THSD7A: variants seen among roughly 807,000 people sequenced by gnomAD.
THSD7A encodes thrombospondin type-1 domain-containing protein 7A.
In THSD7A, 96 loss-of-function variants were observed where a neutral mutation model predicts 231.3. The ratio of observed to expected loss-of-function variants is 0.41; its 90% CI spans 0.35 to 0.49. The LOEUF (loss-of-function observed/expected upper bound fraction) is 0.49. Ranked by LOEUF, THSD7A falls within the 20% of genes least tolerant of loss-of-function variation. The pLI is 0.05. For missense variants in THSD7A, 2,290 were observed against 2,070.2 expected (o/e 1.11, Z -2.06); for synonymous variants, 940 against 743.3 (o/e 1.26, Z -4.30).
intron 1 of THSD7A, among the ~76,000 whole-genome samples, chr7:11,768,242 T>C (rs1449020127): frequency 6.6e-6 from 1 of 152,182 alleles, no homozygotes; most frequent in Non-Finnish European, 1.5e-5. Context: ...TGGGCCATTA[T>C]AAATGCTAGT....
chr7:11,808,686 G>T (rs976482133), intron 1 of THSD7A, among the ~76,000 whole-genome samples: 7 of 151,838 alleles, frequency 4.6e-5, no homozygotes, highest in African/African-American at 1.7e-4. Context: ...TGTAAACTAG[G>T]GTCTTTATTC....
intron 6 of THSD7A, among the ~76,000 whole-genome samples, chr7:11,483,312 C>A (rs1223454842): frequency 6.6e-6 from 1 of 152,120 alleles, no homozygotes; most frequent in Non-Finnish European, 1.5e-5. Flanking sequence ...AGCCTTTAAT[C>A]ATGAGACAAA....
chr7:11,482,582 A>G (rs1786475136), intron 6 of THSD7A, among the ~76,000 whole-genome samples: 1 of 152,210 alleles, frequency 6.6e-6, no homozygotes, highest in African/African-American at 2.4e-5. Flanking sequence ...TCCCAGTTGG[A>G]GAGGGAGGGA....
intron 1 of THSD7A, among the ~76,000 whole-genome samples, chr7:11,689,875 C>G (rs1391370333): frequency 6.6e-6 from 1 of 150,748 alleles, no homozygotes; most frequent in Non-Finnish European, 1.5e-5. Flanking sequence ...AAGCCAGGCT[C>G]CAGAGATTTG....
intron 1 of THSD7A, among the ~76,000 whole-genome samples, chr7:11,750,491 T>G (rs1353734384): frequency 6.6e-6 from 1 of 151,986 alleles, no homozygotes; most frequent in Non-Finnish European, 1.5e-5. Context: ...GTAACATTGG[T>G]CCTGAAAGCT....
chr7:11,429,213 C>G (rs959395306), intron 13 of THSD7A, 88 bp from the exon 14 acceptor site: 1 of 1,321,494 alleles, frequency 7.6e-7, no homozygotes, highest in African/African-American at 1.5e-5. Context: ...TTAGAAGGTC[C>G]AAGACTGACT....
rs1451101163 is a variant in THSD7A, at chr7:11,510,323, A to G, written c.1823-28341T>C. On this transcript the variant is annotated intron_variant, in intron 6 of 27. Coordinates refer to ENST00000423059, the MANE Select transcript of THSD7A (RefSeq NM_015204.3). ...AAAAAGTCCTGGACCAGACGGATTC[A>G]CAGCCGAATTCTACCAGATGTACAA... 3.3e-5 allele frequency among the ~76,000 whole-genome samples: 5 copies of G among 152,218 alleles called. No individual in the cohort carries two copies. The East Asian group carries it at 7.7e-4, about 23-fold the overall frequency.
At chr7:11,727,061 T>G (rs1468048762) in intron 1 of THSD7A, among the ~76,000 whole-genome samples, 1 of 151,964 alleles carries the variant, frequency 6.6e-6, no homozygotes, top group Non-Finnish European at 1.5e-5. Flanking sequence ...ACTTTTGCAT[T>G]TAATCTTACA....
intron 1 of THSD7A, among the ~76,000 whole-genome samples, chr7:11,656,356 A>T (rs1288403942): frequency 2.0e-5 from 3 of 151,848 alleles, no homozygotes; most frequent in African/African-American, 7.2e-5. Flanking sequence ...CCAGTGCTAA[A>T]AATGTTGTGG....
intron 1 of THSD7A, among the ~76,000 whole-genome samples, chr7:11,693,430 A>G (rs902753826): frequency 6.6e-6 from 1 of 151,564 alleles, no homozygotes; most frequent in Non-Finnish European, 1.5e-5. Context: ...ACAAATTGTA[A>G]TTTAAAATAA....
intron 22 of THSD7A, among the ~76,000 whole-genome samples, chr7:11,403,722 T>A (rs1246754764): frequency 1.3e-5 from 2 of 152,206 alleles, no homozygotes; most frequent in African/African-American, 4.8e-5. Flanking sequence ...GTCTGTGAGT[T>A]ATGTAATTTT....
intron 1 of THSD7A, among the ~76,000 whole-genome samples, chr7:11,670,710 C>T (rs1240078908): frequency 6.6e-6 from 1 of 152,120 alleles, no homozygotes; most frequent in African/African-American, 2.4e-5. Context: ...TTAACTTATT[C>T]TGCACAAGCA....
intron 1 of THSD7A, among the ~76,000 whole-genome samples, chr7:11,684,642 T>A (rs1779969713): frequency 6.6e-6 from 1 of 151,634 alleles, no homozygotes; most frequent in South Asian, 2.1e-4. Flanking sequence ...CATTAGTCCA[T>A]ACAAAAAATA....
intron 2 of THSD7A, among the ~76,000 whole-genome samples, chr7:11,603,190 A>T (rs1780609650): frequency 6.6e-6 from 1 of 152,056 alleles, no homozygotes; most frequent in East Asian, 1.9e-4. Context: ...AGAAAAAAAC[A>T]AACAACCTCA....
At chr7:11,621,453 C>T (rs1035403806) in intron 2 of THSD7A, among the ~76,000 whole-genome samples, 38 of 152,168 alleles carry the variant, frequency 2.5e-4, no homozygotes, top group African/African-American at 8.9e-4. Context: ...ACTATTTCTC[C>T]AGAATTTCCA....
chr7:11,662,411 A>G (rs1011291475), intron 1 of THSD7A, among the ~76,000 whole-genome samples: 10 of 151,388 alleles, frequency 6.6e-5, no homozygotes, highest in African/African-American at 2.2e-4. Flanking sequence ...AACGTATTTT[A>G]AAATGGACAG....
At chr7:11,398,195 A>C (rs1485385248) in intron 23 of THSD7A, among the ~76,000 whole-genome samples, 1 of 138,208 alleles carries the variant, frequency 7.2e-6, no homozygotes, top group African/African-American at 2.8e-5. Flanking sequence ...ACCATGGAAT[A>C]GTATGCAGCC....
At chr7:11,537,847 G>T (rs1788976502) in intron 6 of THSD7A, among the ~76,000 whole-genome samples, 1 of 152,258 alleles carries the variant, frequency 6.6e-6, no homozygotes, top group Middle Eastern at 3.4e-3. Context: ...TGCTTTTAGG[G>T]CTTACCTCAG....
chr7:11,719,532 T>C (rs1308522612), intron 1 of THSD7A, among the ~76,000 whole-genome samples: 2 of 151,632 alleles, frequency 1.3e-5, no homozygotes, highest in African/African-American at 4.8e-5. Context: ...TGATATCCTG[T>C]CATTATCTAA....
Sources: allele counts gnomAD v4.1 joint callset (sites outside exome capture counted in the v4.1 genomes callset), GRCh38; gene constraint gnomAD v4.1.1; transcripts MANE v1.5; gene names NCBI Gene and HGNC (gene_info 2026-07-23, HGNC 2026-07-21).